Variants in CSMD2 observed in about 807,000 individuals in gnomAD.
The protein encoded by CSMD2 is CUB and Sushi multiple domains 2.
A neutral mutation model predicts 398.5 loss-of-function variants in CSMD2; 130 were observed. That is an observed-to-expected ratio of 0.33 (90% CI 0.28 to 0.38). The LOEUF is 0.38. CSMD2 is among the 10% of genes least tolerant of loss of function. The probability of loss-of-function intolerance (pLI) is 1.00; values close to 1 mark genes in which losing one functional copy is unlikely to be tolerated. For synonymous variants in CSMD2, 1,828 were observed against 1,908.5 expected (o/e 0.96, Z 1.10); for missense variants, 3,829 against 4,764.9 (o/e 0.80, Z 5.78).
chr1:33,669,241 A>G (rs1354608300), intron 25 of CSMD2, among the ~76,000 whole-genome samples: 1 of 152,222 alleles, frequency 6.6e-6, no homozygotes, highest in Non-Finnish European at 1.5e-5. Flanking sequence ...GAAAGCTTCA[A>G]GGAGGCAGTG....
chr1:33,906,469 A>G (rs6673411), intron 5 of CSMD2, among the ~76,000 whole-genome samples: 12,825 of 152,190 alleles, frequency 0.084, 1,833 homozygotes, highest in African/African-American at 0.29. Context: ...AAAGAAGAAA[A>G]GATGATGGGC....
intron 3 of CSMD2, among the ~76,000 whole-genome samples, chr1:34,020,801 GCCC>G (rs1162482119): frequency 2.0e-5 from 3 of 152,110 alleles, no homozygotes. Flanking sequence ...TGTCTATAAA[GCCC>G]CCACCCCTGC....
intron 3 of CSMD2, among the ~76,000 whole-genome samples, chr1:33,966,135 A>G (rs990248393): frequency 2.6e-5 from 4 of 152,128 alleles, no homozygotes; most frequent in East Asian, 3.9e-4. Flanking sequence ...GGAAACCTAC[A>G]TGGCTCCCTG....
chr1:34,125,624 C>T (rs1023071912), intron 1 of CSMD2, among the ~76,000 whole-genome samples: 1 of 151,900 alleles, frequency 6.6e-6, no homozygotes, highest in Admixed American at 6.6e-5. Flanking sequence ...TAGCATCAAG[C>T]AATTTAGGTC....
intron 5 of CSMD2, among the ~76,000 whole-genome samples, chr1:33,847,933 T>C (rs765346487): frequency 6.6e-5 from 10 of 152,198 alleles, no homozygotes; most frequent in Non-Finnish European, 1.3e-4. Context: ...GCAGCTGCTG[T>C]TCCATTCTTC....
intron 2 of CSMD2, among the ~76,000 whole-genome samples, chr1:34,038,569 C>T (rs1651441897): frequency 6.6e-6 from 1 of 152,184 alleles, no homozygotes; most frequent in South Asian, 2.1e-4. Context: ...CATTTCTCAG[C>T]TCAGAATCTA....
intron 5 of CSMD2, among the ~76,000 whole-genome samples, chr1:33,876,688 C>T (rs1640863373): frequency 6.6e-6 from 1 of 152,170 alleles, no homozygotes; most frequent in Non-Finnish European, 1.5e-5. Flanking sequence ...CTGGCTGCAG[C>T]ACCCACACTC....
intron 28 of CSMD2, among the ~76,000 whole-genome samples, chr1:33,650,500 T>C (rs1177967751): frequency 6.7e-6 from 1 of 148,960 alleles, no homozygotes. Context: ...CGTGAGGCCC[T>C]GAAACTGCAA....
chr1:34,003,034 T>C (rs1646948283), intron 3 of CSMD2, among the ~76,000 whole-genome samples: 2 of 152,120 alleles, frequency 1.3e-5, no homozygotes, highest in Non-Finnish European at 2.9e-5. Flanking sequence ...GCATAAACAG[T>C]ACCTCTGGGG....
rs886384710 is a variant in CSMD2, at chr1:33,572,566, T to C, written c.7702A>G (p.Thr2568Ala). ...GYHLQAGAEA[T>A]AECLDTGLWS... ...AGGCCTGTGTCCAGACACTCTGCAGTGGCCTCAGCGCCTGCCTGGAGGTGG... is the reference window on the plus strand; with the variant it reads ...AGGCCTGTGTCCAGACACTCTGCAGCGGCCTCAGCGCCTGCCTGGAGGTGG... The change falls in exon 50 of 71, where the codon ACT (threonine) becomes GCT (alanine). Residue 2568 changes from threonine (T) to alanine (A), a missense_variant. By Grantham distance (58) the Thr-to-Ala change is moderately conservative. Coordinates refer to ENST00000373381, the MANE Select transcript of CSMD2 (RefSeq NM_001281956.2). 1 of 1,614,152 alleles carries C rather than the reference T, an allele frequency of 6.2e-7. No homozygotes were observed. Among genetic ancestry groups the C allele is most frequent in the Non-Finnish European group, 8.5e-7 (1 of 1,180,014 alleles).
chr1:33,586,447 G>A (rs1639084703), intron 46 of CSMD2, 57 bp downstream of exon 46: 2 of 1,138,594 alleles, frequency 1.8e-6, no homozygotes, highest in Non-Finnish European at 2.7e-6. Flanking sequence ...AGCAAAACAA[G>A]AGCTTTGTTC....
intron 2 of CSMD2, among the ~76,000 whole-genome samples, chr1:34,042,694 C>T (rs990873708): frequency 2.0e-5 from 3 of 152,186 alleles, no homozygotes; most frequent in African/African-American, 7.2e-5. Flanking sequence ...CTCTGGGTGA[C>T]GTGGCCCGAG....
At chr1:33,782,805 T>C (rs1010330288) in intron 12 of CSMD2, among the ~76,000 whole-genome samples, 5 of 152,184 alleles carry the variant, frequency 3.3e-5, no homozygotes, top group Non-Finnish European at 5.9e-5. Context: ...CTTGGTGGAA[T>C]TATTATTATG....
At position 33,602,477 on chromosome 1, in the gene CSMD2, G is replaced by T; in HGVS notation, c.6602C>A (p.Ser2201Tyr). 6.2e-7 allele frequency: 1 copy of T among 1,613,832 alleles called. No homozygotes were observed. Among genetic ancestry groups the T allele is most frequent in the Non-Finnish European group, 8.5e-7 (1 of 1,179,954 alleles). The change falls in exon 43 of 71, where the codon TCC becomes TAC. Residue 2201 changes from serine to tyrosine, a missense_variant. This residue lies in a region of CSMD2 where 723 missense variants were observed against 758.6 expected (regional missense o/e 0.95). Transcript: ENST00000373381. ...CAGCCAGACACAGTCCTGGGAGCTG[G>T]AGTACGGGCTAGGGAACCCCGGGGA... ...VYSPGFPSPYSSSQDCVWLIT... is the reference protein window; with the variant it reads ...VYSPGFPSPYYSSQDCVWLIT...
chr1:33,675,917 G>C (rs973005039), intron 25 of CSMD2, among the ~76,000 whole-genome samples: 3 of 152,156 alleles, frequency 2.0e-5, no homozygotes, highest in African/African-American at 7.2e-5. Flanking sequence ...AACTCTTCAT[G>C]CTAAAAACTC....
In CSMD2 at chr1:33,572,572, C is replaced by T. The variant is rs548700126; in HGVS notation, c.7696G>A (p.Glu2566Lys). 3.7e-6 allele frequency: 6 copies of T among 1,614,180 alleles called. No individual in the cohort carries two copies. The highest frequency in any genetic ancestry group is 1.7e-5 in the Admixed American group (1 of 60,024). The change falls in exon 50 of 71, where the codon GAG becomes AAG. Residue 2566 changes from glutamate to lysine, a missense_variant. Coordinates refer to ENST00000373381, the MANE Select transcript of CSMD2 (RefSeq NM_001281956.2). ...SEGYHLQAGAEATAECLDTGL... is the reference protein window; with the variant it reads ...SEGYHLQAGAKATAECLDTGL... ...GTGTCCAGACACTCTGCAGTGGCCT[C>T]AGCGCCTGCCTGGAGGTGGTAGCCT...
chr1:34,106,146 G>A (rs1401310909), intron 1 of CSMD2, among the ~76,000 whole-genome samples: 2 of 152,084 alleles, frequency 1.3e-5, no homozygotes, highest in East Asian at 1.9e-4. Flanking sequence ...TATGGTCCAT[G>A]CCCTCAAGGA....
chr1:33,646,398 G>A (rs74066669), intron 29 of CSMD2, among the ~76,000 whole-genome samples: 2,245 of 152,322 alleles, frequency 0.015, 49 homozygotes, highest in African/African-American at 0.051. Context: ...AGGACTAGTG[G>A]TTGGAAATAG....
intron 53 of CSMD2, among the ~76,000 whole-genome samples, chr1:33,564,691 C>T (rs1658889072): frequency 6.6e-6 from 1 of 152,200 alleles, no homozygotes; most frequent in African/African-American, 2.4e-5. Flanking sequence ...GCACAAGCTA[C>T]AATATCTGGC....
Sources: gnomAD v4.1 joint callset for allele counts (sites outside exome capture counted in the v4.1 genomes callset) on GRCh38, gnomAD v4.1.1 for gene constraint, gnomAD v4.1.1 regional missense constraint, MANE v1.5 for transcripts, NCBI Gene and HGNC (gene_info 2026-07-23, HGNC 2026-07-21) for gene names.